LRRC7: variants seen among roughly 807,000 people sequenced by gnomAD.
LRRC7 encodes leucine rich repeat containing 7.
Under a neutral mutation model 175.7 loss-of-function variants are expected in LRRC7, and 23 were observed. The ratio of observed to expected loss-of-function variants is 0.13; its 90% CI spans 0.09 to 0.19. The LOEUF (loss-of-function observed/expected upper bound fraction) is 0.19. Among genes scored for constraint, LRRC7 ranks in the 10% least tolerant of loss-of-function variants. The probability of loss-of-function intolerance (pLI) is 1.00; values close to 1 mark genes in which losing one functional copy is unlikely to be tolerated. For synonymous variants in LRRC7, 685 were observed against 680.9 expected (o/e 1.01, Z -0.09); for missense variants, 1,354 against 1,904.7 (o/e 0.71, Z 5.38).
intron 5 of LRRC7, among the ~76,000 whole-genome samples, chr1:69,832,579 A>G (rs558011869): frequency 1.9e-4 from 29 of 152,172 alleles, no homozygotes; most frequent in Non-Finnish European, 3.4e-4. Context: ...TATATTTACC[A>G]AATTGGCAAA....
intron 2 of LRRC7, among the ~76,000 whole-genome samples, chr1:69,693,380 A>C (rs996958776): frequency 1.3e-5 from 2 of 152,184 alleles, no homozygotes; most frequent in African/African-American, 2.4e-5. Flanking sequence ...ATGTGTATGT[A>C]TAGAGAGAGA....
chr1:70,132,945 AG>A lies in LRRC7; in HGVS notation c.*11062del, dbSNP rs1252701272. On this transcript the variant is annotated 3_prime_UTR_variant, in exon 27 of 27. Coordinates refer to ENST00000651989, the MANE Select transcript of LRRC7 (RefSeq NM_001370785.2). ...TGCTATTCTTAAATTCCTGGAGCGA[AG>A]GGGTGAACATTTCCCTCTGTAACCC... 5.9e-5 allele frequency among the ~76,000 whole-genome samples: 9 copies of A among 152,250 alleles called. No individual in the cohort carries two copies. In the East Asian group the frequency reaches 1.7e-3, roughly 29 times the overall value.
chr1:70,046,877 T>C (rs1255149306), intron 22 of LRRC7, among the ~76,000 whole-genome samples: 1 of 152,128 alleles, frequency 6.6e-6, no homozygotes, highest in African/African-American at 2.4e-5. Flanking sequence ...ATGCAGTCTC[T>C]CCAATTATTC....
At chr1:69,629,169 A>G (rs1000011216) in intron 1 of LRRC7, among the ~76,000 whole-genome samples, 3 of 152,158 alleles carry the variant, frequency 2.0e-5, no homozygotes, top group Non-Finnish European at 4.4e-5. Flanking sequence ...TGTCAAGAGA[A>G]TTAGGCAACA....
intron 25 of LRRC7, among the ~76,000 whole-genome samples, chr1:70,100,546 A>T (rs571143425): frequency 8.5e-5 from 13 of 152,112 alleles, no homozygotes; most frequent in Admixed American, 6.6e-4. Context: ...AAATTTTTTT[A>T]CAAATGCAAC....
intron 1 of LRRC7, among the ~76,000 whole-genome samples, chr1:69,608,852 CTCTCTCTCTCTCTCTATATATATATA>C (rs1328907649): frequency 0.035 from 1,541 of 43,504 alleles, 5 homozygotes; most frequent in South Asian, 0.056. Context: ...CTCTCTCTCT[CTCTCTCTCTCTCTCTATATATATATA>C]TATATATATA....
chr1:69,847,842 C>T (rs1005548748), intron 7 of LRRC7, among the ~76,000 whole-genome samples: 1 of 152,230 alleles, frequency 6.6e-6, no homozygotes, highest in East Asian at 1.9e-4. Flanking sequence ...TTAAAACATA[C>T]CAAGGCACAT....
chr1:70,006,645 G>A lies in LRRC7; in HGVS notation c.1005-5152G>A, dbSNP rs891367256. The stretch of plus-strand genomic sequence containing the variant: ...GTGCCCTACAGTTTAACTCAATTTC[G>A]ACACACCTACCTGAAGTTAGAATCA... On this transcript the variant is annotated intron_variant, in intron 11 of 26. Transcript: ENST00000651989. Among the ~76,000 whole-genome samples, 3 of 151,906 alleles carry A rather than the reference G, an allele frequency of 2.0e-5. No individual in the cohort carries two copies. In the East Asian group the frequency reaches 5.8e-4, roughly 29 times the overall value.
At chr1:69,674,988 A>T (rs1659577425) in intron 1 of LRRC7, among the ~76,000 whole-genome samples, 1 of 152,178 alleles carries the variant, frequency 6.6e-6, no homozygotes, top group Admixed American at 6.5e-5. Context: ...ATGTGTTACC[A>T]TATTTAATCC....
At chr1:69,701,953 C>T (rs539272279) in intron 2 of LRRC7, among the ~76,000 whole-genome samples, 13 of 152,176 alleles carry the variant, frequency 8.5e-5, no homozygotes, top group South Asian at 4.2e-4. Flanking sequence ...TGTGTCCATG[C>T]GGTATAAAGT....
At chr1:69,661,568 C>A (rs866421440) in intron 1 of LRRC7, among the ~76,000 whole-genome samples, 3 of 152,104 alleles carry the variant, frequency 2.0e-5, no homozygotes, top group South Asian at 2.1e-4. Context: ...CTGCAACAAT[C>A]CTAGAAAATT....
intron 9 of LRRC7, among the ~76,000 whole-genome samples, chr1:69,981,863 T>C (rs1479154006): frequency 1.3e-5 from 2 of 152,220 alleles, no homozygotes; most frequent in African/African-American, 4.8e-5. Flanking sequence ...TGTTGATTCA[T>C]TGAATCCCTA....
chr1:70,130,860 C>T lies in LRRC7; in HGVS notation c.*8973C>T, dbSNP rs1025808970. Among the ~76,000 whole-genome samples, 5 of 152,154 alleles carry T rather than the reference C, an allele frequency of 3.3e-5. No homozygotes were observed. The highest frequency in any genetic ancestry group is 4.8e-5 in the African/African-American group (2 of 41,426). On this transcript the variant is annotated 3_prime_UTR_variant, in exon 27 of 27. Coordinates refer to ENST00000651989, the MANE Select transcript of LRRC7 (RefSeq NM_001370785.2). ...TTGAGAGAAAGGGGTCTCCACCTAC[C>T]TATTTAGCTCTAAATTTTAATCAAA...
intron 24 of LRRC7, among the ~76,000 whole-genome samples, chr1:70,083,031 C>T (rs1037769997): frequency 2.0e-5 from 3 of 151,794 alleles, no homozygotes; most frequent in African/African-American, 7.3e-5. Flanking sequence ...GTGATCCACC[C>T]ACCTCAGCCT....
chr1:69,960,679 G>A (rs552491572), intron 8 of LRRC7, among the ~76,000 whole-genome samples: 3 of 150,952 alleles, frequency 2.0e-5, no homozygotes, highest in African/African-American at 7.3e-5. Context: ...TCTGGTATGC[G>A]AATCAATAAA....
rs186497137 is a variant in LRRC7, at chr1:69,719,333, A to T, written c.100+40855A>T. Among the ~76,000 whole-genome samples, 83 of 151,880 alleles carry T rather than the reference A, an allele frequency of 5.5e-4. 2 individuals are homozygous for T. The highest frequency in any genetic ancestry group is 2.3e-3 in the South Asian group (11 of 4,824). On this transcript the variant is annotated intron_variant, in intron 2 of 26. Coordinates refer to ENST00000651989, the MANE Select transcript of LRRC7 (RefSeq NM_001370785.2). ...ATGAATAAATGAATGAATGAATGAA[A>T]GAATGAATCAGTTCTTTCCTCTCTT...
chr1:69,886,038 T>G (rs1342791278), intron 7 of LRRC7, among the ~76,000 whole-genome samples: 3 of 149,398 alleles, frequency 2.0e-5, no homozygotes, highest in Non-Finnish European at 4.4e-5. Context: ...TACTTCCAAG[T>G]ATGTGGTCAA....
intron 2 of LRRC7, among the ~76,000 whole-genome samples, chr1:69,679,775 A>G (rs1244791090): frequency 6.6e-6 from 1 of 152,126 alleles, no homozygotes; most frequent in Non-Finnish European, 1.5e-5. Flanking sequence ...ATTTGTAGAT[A>G]TGTTTGCAAA....
chr1:69,830,701 TA>T (rs1680432797), intron 5 of LRRC7, among the ~76,000 whole-genome samples: 1 of 151,900 alleles, frequency 6.6e-6, no homozygotes, highest in African/African-American at 2.4e-5. Context: ...AACCATTCAA[TA>T]AAAAATTCAC....
Sources: gnomAD v4.1 joint callset for allele counts (sites outside exome capture counted in the v4.1 genomes callset) on GRCh38, gnomAD v4.1.1 for gene constraint, MANE v1.5 for transcripts, NCBI Gene and HGNC (gene_info 2026-07-23, HGNC 2026-07-21) for gene names.